PLCB1: variants seen among roughly 807,000 people sequenced by gnomAD.
The protein encoded by PLCB1 is phospholipase C beta 1.
Under a neutral mutation model 161.8 loss-of-function variants are expected in PLCB1, and 46 were observed. The observed-to-expected ratio is 0.28, with a 90% CI of 0.22 to 0.36. The LOEUF (loss-of-function observed/expected upper bound fraction) is 0.36. Ranked by LOEUF, PLCB1 falls within the 10% of genes least tolerant of loss-of-function variation. The pLI, the probability that PLCB1 is intolerant of heterozygous loss-of-function variation, is 1.00. For missense variants in PLCB1, 1,016 were observed against 1,472.5 expected (o/e 0.69, Z 5.07); for synonymous variants, 517 against 503.7 (o/e 1.03, Z -0.35).
intron 2 of PLCB1, among the ~76,000 whole-genome samples, chr20:8,248,204 AC>A (rs1354838019): frequency 6.6e-6 from 1 of 151,716 alleles, no homozygotes; most frequent in African/African-American, 2.4e-5. Context: ...CATAAATAGC[AC>A]CTCAGAGTAT....
At chr20:8,825,020 C>T (rs113187081) in intron 31 of PLCB1, among the ~76,000 whole-genome samples, 1,857 of 152,292 alleles carry the variant, frequency 0.012, 43 homozygotes, top group African/African-American at 0.042. Context: ...TATCTCTTCC[C>T]ATCCCCAGAT....
At chr20:8,184,229 T>C (rs1207811799) in intron 2 of PLCB1, among the ~76,000 whole-genome samples, 1 of 152,168 alleles carries the variant, frequency 6.6e-6, no homozygotes, top group Admixed American at 6.5e-5. Flanking sequence ...TGCATACTAA[T>C]TTAATTAACA....
At chr20:8,652,573 G>T (rs1044662870) in intron 7 of PLCB1, 2 of 152,084 alleles carry the variant, frequency 1.3e-5, no homozygotes, top group African/African-American at 4.8e-5. Context: ...TTTTAAACAA[G>T]CCACGGAAGA....
intron 2 of PLCB1, among the ~76,000 whole-genome samples, chr20:8,294,419 G>T (rs990423030): frequency 5.9e-5 from 9 of 151,588 alleles, no homozygotes; most frequent in Non-Finnish European, 8.8e-5. Context: ...GGGTCATTAG[G>T]GATATGAAAC....
intron 2 of PLCB1, among the ~76,000 whole-genome samples, chr20:8,197,865 G>A (rs972313574): frequency 1.3e-5 from 2 of 152,106 alleles, no homozygotes; most frequent in Non-Finnish European, 2.9e-5. Context: ...TCCAGTTTCA[G>A]CTTTCTACAT....
intron 27 of PLCB1, among the ~76,000 whole-genome samples, chr20:8,787,519 G>A (rs1259196025): frequency 6.6e-6 from 1 of 152,180 alleles, no homozygotes; most frequent in Non-Finnish European, 1.5e-5. Context: ...AAAAGCAGTG[G>A]GGGCTTTCAG....
At chr20:8,276,341 G>A (rs1426825446) in intron 2 of PLCB1, among the ~76,000 whole-genome samples, 3 of 152,146 alleles carry the variant, frequency 2.0e-5, no homozygotes, top group African/African-American at 7.2e-5. Flanking sequence ...ATTCACATGT[G>A]AGAATAATGA....
At chr20:8,312,407 T>C (rs564853221) in intron 2 of PLCB1, among the ~76,000 whole-genome samples, 1 of 152,286 alleles carries the variant, frequency 6.6e-6, no homozygotes, top group African/African-American at 2.4e-5. Flanking sequence ...TTCATGAAGA[T>C]GGTGAAGAAT....
In PLCB1 at chr20:8,884,876, A is replaced by G. The variant is rs1988118183; in HGVS notation, c.*3027A>G. 6.6e-6 allele frequency: 1 copy of G among 152,636 alleles called. No homozygotes were observed. The highest frequency in any genetic ancestry group is 1.5e-5 in the Non-Finnish European group (1 of 68,040). 9.5% of individuals were successfully genotyped at this position (152,636 alleles called of 1,614,324 possible). A position where few individuals can be genotyped will look rare whatever the true frequency, so the allele number is the denominator to read the frequency against. On this transcript the variant is annotated 3_prime_UTR_variant, in exon 32 of 32. Transcript: ENST00000338037. ...TGTGCTTTCATCACAAATCCAAAGG[A>G]AAGAATAAAAATTTCTTAACACAAC...
chr20:8,338,696 T>C (rs898343548), intron 2 of PLCB1, among the ~76,000 whole-genome samples: 3 of 152,230 alleles, frequency 2.0e-5, no homozygotes, highest in Non-Finnish European at 4.4e-5. Context: ...TAACACTCAG[T>C]GAATTTTGAC....
intron 2 of PLCB1, among the ~76,000 whole-genome samples, chr20:8,304,579 G>A (rs1251217313): frequency 6.6e-6 from 1 of 151,686 alleles, no homozygotes; most frequent in Non-Finnish European, 1.5e-5. Flanking sequence ...CTCCCCCTGA[G>A]GGGCCTCTTC....
chr20:8,367,684 GAA>G (rs1986757490), intron 2 of PLCB1, among the ~76,000 whole-genome samples: 1 of 152,294 alleles, frequency 6.6e-6, no homozygotes, highest in African/African-American at 2.4e-5. Context: ...CTGGAAAACA[GAA>G]ACTCTTAAAC....
At chr20:8,524,082 C>G (rs924711274) in intron 3 of PLCB1, among the ~76,000 whole-genome samples, 2 of 151,628 alleles carry the variant, frequency 1.3e-5, no homozygotes, top group Non-Finnish European at 1.5e-5. Flanking sequence ...GTATAAAATA[C>G]AAACAAAATC....
At chr20:8,348,793 A>G (rs941393027) in intron 2 of PLCB1, among the ~76,000 whole-genome samples, 1 of 152,196 alleles carries the variant, frequency 6.6e-6, no homozygotes, top group Admixed American at 6.5e-5. Context: ...TACTTAACTC[A>G]TATTTAGCAG....
chr20:8,654,902 G>A (rs969662311), intron 7 of PLCB1, among the ~76,000 whole-genome samples: 1 of 151,998 alleles, frequency 6.6e-6, no homozygotes, highest in Non-Finnish European at 1.5e-5. Context: ...TTTCATCTCA[G>A]CATTTAATGA....
At chr20:8,847,090 TA>T (rs1001037998) in intron 31 of PLCB1, among the ~76,000 whole-genome samples, 4 of 152,186 alleles carry the variant, frequency 2.6e-5, no homozygotes, top group Admixed American at 2.6e-4. Flanking sequence ...CTGGGCATTT[TA>T]AAAGCTACCC....
intron 4 of PLCB1, among the ~76,000 whole-genome samples, chr20:8,636,136 A>G (rs1452893507): frequency 6.6e-6 from 1 of 152,250 alleles, no homozygotes; most frequent in Non-Finnish European, 1.5e-5. Context: ...GTTTTGGGAC[A>G]TAATGGAAAA....
At chr20:8,755,421 T>C (rs910177168) in intron 23 of PLCB1, among the ~76,000 whole-genome samples, 3 of 152,194 alleles carry the variant, frequency 2.0e-5, no homozygotes, top group African/African-American at 4.8e-5. Context: ...AAGTAGAACA[T>C]TGGGATAGCC....
chr20:8,364,967 C>T (rs754443842), intron 2 of PLCB1, among the ~76,000 whole-genome samples: 1 of 152,036 alleles, frequency 6.6e-6, no homozygotes, highest in African/African-American at 2.4e-5. Context: ...ATTTACATTC[C>T]TTGTGTTTCT....
Sources: gnomAD v4.1 joint callset for allele counts (sites outside exome capture counted in the v4.1 genomes callset) on GRCh38, gnomAD v4.1.1 for gene constraint, MANE v1.5 for transcripts, NCBI Gene and HGNC (gene_info 2026-07-23, HGNC 2026-07-21) for gene names.